The following METTL15 variants were observed in gnomAD, a reference collection of about 807,000 sequenced individuals.
METTL15 encodes the protein methyltransferase 15, mitochondrial 12S rRNA N4-cytidine.
In METTL15, 34 loss-of-function variants were observed where a neutral mutation model predicts 38.3. The ratio of observed to expected loss-of-function variants is 0.89; its 90% CI spans 0.68 to 1.18. The LOEUF is 1.18. METTL15 is among the 50% of genes most tolerant of loss of function. The pLI, the probability that METTL15 is intolerant of heterozygous loss-of-function variation, is 0.00. For synonymous variants in METTL15, 162 were observed against 170.9 expected (o/e 0.95, Z 0.41); for missense variants, 438 against 498.4 (o/e 0.88, Z 1.15).
chr11:28,256,826 T>C (rs1772960608), intron 4 of METTL15, among the ~76,000 whole-genome samples: 1 of 152,102 alleles, frequency 6.6e-6, no homozygotes, highest in Admixed American at 6.5e-5. Flanking sequence ...TCTTCTTTGA[T>C]GTAGGCATTT....
chr11:28,293,536 C>T (rs1013170314), intron 5 of METTL15, among the ~76,000 whole-genome samples: 1 of 151,214 alleles, frequency 6.6e-6, no homozygotes, highest in African/African-American at 2.4e-5. Context: ...CTTGGTGATG[C>T]AGGCTCTTTT....
At chr11:28,430,971 C>T (rs1850921044) in intron 6 of METTL15, among the ~76,000 whole-genome samples, 2 of 97,650 alleles carry the variant, frequency 2.0e-5, no homozygotes, top group Non-Finnish European at 4.7e-5. Context: ...CCCGGCCGCC[C>T]CTACTGGGAA....
At chr11:28,450,975 A>T (rs925608854) in intron 6 of METTL15, among the ~76,000 whole-genome samples, 9 of 152,218 alleles carry the variant, frequency 5.9e-5, no homozygotes, top group Non-Finnish European at 2.9e-5. Flanking sequence ...AAACAGGTTA[A>T]GCGACTTATC....
At chr11:28,297,002 CATGCACGCAT>C (rs1856764240) in intron 6 of METTL15, 71 bp downstream of exon 6, 6 of 1,451,740 alleles carry the variant, frequency 4.1e-6, no homozygotes, top group Non-Finnish European at 1.9e-6. Context: ...TGTTTGTGTG[CATGCACGCAT>C]GCACATGTGT....
At chr11:28,283,730 A>G (rs1590260705) in intron 4 of METTL15, among the ~76,000 whole-genome samples, 1 of 152,152 alleles carries the variant, frequency 6.6e-6, no homozygotes, top group Non-Finnish European at 1.5e-5. Flanking sequence ...TTTGCATTCT[A>G]CTGCTGCGTC....
chr11:28,388,843 C>A (rs926718348), intron 5 of METTL15, among the ~76,000 whole-genome samples: 1 of 152,028 alleles, frequency 6.6e-6, no homozygotes, highest in Non-Finnish European at 1.5e-5. Context: ...ACACCCACCC[C>A]ACAACAGGCC....
intron 6 of METTL15, among the ~76,000 whole-genome samples, chr11:28,307,407 G>T (rs1257456716): frequency 6.6e-6 from 1 of 151,854 alleles, no homozygotes; most frequent in African/African-American, 2.4e-5. Flanking sequence ...TAAATGAATG[G>T]CCATTTTGTT....
At chr11:28,472,812 C>G (rs1851313934) in intron 6 of METTL15, among the ~76,000 whole-genome samples, 2 of 152,096 alleles carry the variant, frequency 1.3e-5, no homozygotes, top group South Asian at 4.1e-4. Flanking sequence ...TGAAAGAAAA[C>G]AATAAACAAG....
chr11:28,385,572 A>C (rs1850431129), intron 5 of METTL15, among the ~76,000 whole-genome samples: 1 of 152,052 alleles, frequency 6.6e-6, no homozygotes, highest in Admixed American at 6.6e-5. Context: ...AAGTTGGGTA[A>C]CATGATGCTT....
chr11:28,373,028 A>T (rs987879592), intron 5 of METTL15, among the ~76,000 whole-genome samples: 12 of 151,990 alleles, frequency 7.9e-5, no homozygotes, highest in Non-Finnish European at 1.3e-4. Context: ...ATTATTGGAC[A>T]TTGGGGTTGG....
At chr11:28,412,417 CAG>C (rs139994046) in intron 5 of METTL15, among the ~76,000 whole-genome samples, 36 of 148,414 alleles carry the variant, frequency 2.4e-4, no homozygotes, top group East Asian at 5.9e-4. Context: ...AAAGGAGAGA[CAG>C]AGAGAGAGAG....
At chr11:28,266,238 T>G (rs1172814314) in intron 4 of METTL15, among the ~76,000 whole-genome samples, 4 of 152,198 alleles carry the variant, frequency 2.6e-5, no homozygotes, top group African/African-American at 9.7e-5. Flanking sequence ...TAAATCATGC[T>G]GCTATAAAGA....
intron 6 of METTL15, among the ~76,000 whole-genome samples, chr11:28,459,841 G>A (rs1024289222): frequency 7.2e-5 from 11 of 152,072 alleles, no homozygotes; most frequent in South Asian, 2.1e-4. Flanking sequence ...TGTCCACAGC[G>A]GTTTTATGGA....
intron 5 of METTL15, among the ~76,000 whole-genome samples, chr11:28,386,771 A>G (rs757651538): frequency 3.3e-5 from 5 of 152,006 alleles, no homozygotes; most frequent in Non-Finnish European, 5.9e-5. Context: ...ATTCTTTAAT[A>G]CACACAGAAC....
intron 5 of METTL15, among the ~76,000 whole-genome samples, chr11:28,370,431 A>G (rs923797179): frequency 3.3e-5 from 5 of 151,898 alleles, no homozygotes; most frequent in African/African-American, 7.2e-5. Flanking sequence ...TGATGTCTAC[A>G]TATCATATTT....
At chr11:28,521,552 T>A (rs1001662904) in intron 6 of METTL15, among the ~76,000 whole-genome samples, 4 of 152,094 alleles carry the variant, frequency 2.6e-5, no homozygotes, top group African/African-American at 7.2e-5. Context: ...GGTAGGGCCG[T>A]GTGCTGAATA....
At chr11:28,324,260 A>G (rs961207951) in intron 6 of METTL15, among the ~76,000 whole-genome samples, 1 of 152,198 alleles carries the variant, frequency 6.6e-6, no homozygotes, top group African/African-American at 2.4e-5. Context: ...ATCTTTGGGG[A>G]AAAACTTGAA....
intron 5 of METTL15, among the ~76,000 whole-genome samples, chr11:28,413,751 G>A (rs775100347): frequency 1.3e-5 from 2 of 152,108 alleles, no homozygotes; most frequent in African/African-American, 2.4e-5. Context: ...ATTTAAAATA[G>A]GCTAGTGACT....
chr11:28,373,956 G>C (rs1317703369), intron 5 of METTL15, among the ~76,000 whole-genome samples: 1 of 152,062 alleles, frequency 6.6e-6, no homozygotes, highest in African/African-American at 2.4e-5. Context: ...TGTCAGGTTT[G>C]TCAAAGATCA....
Sources: gnomAD v4.1 joint callset for allele counts (sites outside exome capture counted in the v4.1 genomes callset) on GRCh38, gnomAD v4.1.1 for gene constraint, MANE v1.5 for transcripts, NCBI Gene and HGNC (gene_info 2026-07-23, HGNC 2026-07-21) for gene names.